MAPKBP1: variants seen among roughly 807,000 people sequenced by gnomAD.
MAPKBP1 encodes mitogen-activated protein kinase binding protein 1.
MAPKBP1 carries 71 observed loss-of-function variants against 170.5 expected under a neutral mutation model. The ratio of observed to expected loss-of-function variants is 0.42; its 90% CI spans 0.34 to 0.51. MAPKBP1 has a LOEUF of 0.51. MAPKBP1 is among the 20% of genes least tolerant of loss of function. The pLI, the probability that MAPKBP1 is intolerant of heterozygous loss-of-function variation, is 0.06. For missense variants in MAPKBP1, 1,598 were observed against 1,933.0 expected (o/e 0.83, Z 3.25); for synonymous variants, 719 against 757.9 (o/e 0.95, Z 0.84).
chr15:41,812,761 C>A, intron 7 of MAPKBP1, 108 bp downstream of exon 7: 1 of 1,473,636 alleles, frequency 6.8e-7, no homozygotes, highest in Non-Finnish European at 9.1e-7. Context: ...TCCCAGCAGT[C>A]ATGCAGAAGT....
At chr15:41,821,212 G>C (rs566006505) in intron 23 of MAPKBP1, 144 bp downstream of exon 23, 6 of 783,490 alleles carry the variant, frequency 7.7e-6, no homozygotes, top group Admixed American at 6.6e-5. Context: ...AAGCCAGGAT[G>C]GGGGTGGCTG....
In MAPKBP1 at chr15:41,816,590, C is replaced by T. The variant is rs79573365; in HGVS notation, c.1525C>T (p.Leu509=). 2.1e-3 allele frequency: 3,450 copies of T among 1,614,092 alleles called. 61 individuals are homozygous for T. The African/African-American group carries it at 0.041, about 19-fold the overall frequency. ...VHELQSLSEM[L]KVEAHDSEIL... ...CGAACTTCAGTCCCTGAGTGAGATG[C>T]TGAAGGTGGAGGCCCATGACTCTGA... is the stretch of plus-strand genomic sequence containing the variant. The change falls in exon 13 of 31, where the codon CTG becomes TTG. Residue 509 remains leucine, a synonymous_variant. Coordinates refer to ENST00000457542, the MANE Select transcript of MAPKBP1 (RefSeq NM_014994.3).
chr15:41,779,291 A>G (rs1033107920), intron 2 of MAPKBP1, among the ~76,000 whole-genome samples: 3 of 152,102 alleles, frequency 2.0e-5, no homozygotes, highest in Non-Finnish European at 4.4e-5. Flanking sequence ...GCTCACTGCA[A>G]ACTCTGCCTC....
At chr15:41,798,222 C>T (rs1291796308) in intron 2 of MAPKBP1, among the ~76,000 whole-genome samples, 1 of 134,632 alleles carries the variant, frequency 7.4e-6, no homozygotes, top group Admixed American at 7.7e-5. Flanking sequence ...TGCACTCCAG[C>T]CTGGGTGACA....
intron 2 of MAPKBP1, among the ~76,000 whole-genome samples, chr15:41,794,459 A>G (rs1399197225): frequency 6.6e-6 from 1 of 152,120 alleles, no homozygotes; most frequent in South Asian, 2.1e-4. Flanking sequence ...TACAATAAAG[A>G]CGTGGAATAA....
intron 2 of MAPKBP1, among the ~76,000 whole-genome samples, chr15:41,776,627 C>A (rs1399670467): frequency 6.6e-6 from 1 of 152,222 alleles, no homozygotes; most frequent in Admixed American, 6.5e-5. Context: ...CTTAATACTG[C>A]AAGTGCTCTT....
At position 41,826,187 on chromosome 15, in the gene MAPKBP1, C is replaced by T. The variant is rs1567159722; in HGVS notation, c.*751C>T. The T allele has an allele frequency of 6.5e-6, 1 of 152,840 alleles. No homozygotes were observed. The allele number at this position is 152,840 out of a possible 1,614,324, so 9.5% of individuals were successfully genotyped here. ...CCCTCACCTGGGCAAACATGAAGCTCTGGCCTCCTTTCCTCAGCCCCTTGT... is the reference window on the plus strand; with the variant it reads ...CCCTCACCTGGGCAAACATGAAGCTTTGGCCTCCTTTCCTCAGCCCCTTGT... On this transcript the variant is annotated 3_prime_UTR_variant, in exon 31 of 31. Transcript: ENST00000457542.
chr15:41,820,699 C>T, intron 22 of MAPKBP1, 133 bp from the exon 23 acceptor site: 1 of 674,324 alleles, frequency 1.5e-6, no homozygotes, highest in Non-Finnish European at 2.6e-6. Flanking sequence ...GTGCCCATTT[C>T]AAAAGGTTGC....
intron 3 of MAPKBP1, among the ~76,000 whole-genome samples, chr15:41,810,311 A>G (rs991726401): frequency 2.2e-4 from 33 of 152,186 alleles, no homozygotes; most frequent in Admixed American, 1.2e-3. Context: ...TAGAGCTGGT[A>G]TTTAGGGGCC....
intron 5 of MAPKBP1, chr15:41,811,484 C>T: frequency 1.4e-6 from 1 of 689,786 alleles, no homozygotes; most frequent in Non-Finnish European, 2.7e-6. Context: ...GGATGGGAGT[C>T]TGAAATGTGC....
intron 2 of MAPKBP1, among the ~76,000 whole-genome samples, chr15:41,786,762 C>A (rs960017885): frequency 8.6e-4 from 4 of 4,638 alleles, no homozygotes; most frequent in South Asian, 6.3e-3. Flanking sequence ...CAGACTCCGT[C>A]TAAAAAAAAA....
At chr15:41,786,497 GC>G (rs1427341093) in intron 2 of MAPKBP1, among the ~76,000 whole-genome samples, 1 of 151,836 alleles carries the variant, frequency 6.6e-6, no homozygotes, top group Non-Finnish European at 1.5e-5. Flanking sequence ...GGGCGTGGTG[GC>G]TCACACCTGT....
chr15:41,825,268 C>T lies in MAPKBP1; in HGVS notation c.4359C>T (p.Asp1453=). Residue 1453 remains aspartate (D), a synonymous_variant, in exon 31 of 31, where the codon GAC becomes GAT. Transcript: ENST00000457542. ...EQSRIAQLLR[D]TFSSVRQELE... ...GTCGGATTGCCCAGCTCCTCAGAGA[C>T]ACCTTCTCTTCAGTGCGACAGGAGC... 2 of 1,608,602 alleles carry T rather than the reference C, an allele frequency of 1.2e-6. No individual in the cohort carries two copies. Among genetic ancestry groups the T allele is most frequent in the Non-Finnish European group, 8.5e-7 (1 of 1,175,790 alleles).
rs533751567 is a variant in MAPKBP1, at chr15:41,810,148, C to T, written c.207-735C>T. On this transcript the variant is annotated intron_variant, in intron 3 of 30. Transcript: ENST00000457542. The stretch of plus-strand genomic sequence containing the variant: ...TCTTAAGGCACACATGCTTGATACA[C>T]GTGTGGCCCCAAGCCTGTGAACGGG... 5.3e-4 allele frequency among the ~76,000 whole-genome samples: 80 copies of T among 152,284 alleles called. 3 individuals are homozygous for T. The South Asian group carries it at 0.016, about 30-fold the overall frequency.
At chr15:41,782,259 CAAAA>C in intron 2 of MAPKBP1, among the ~76,000 whole-genome samples, 1 of 117,348 alleles carries the variant, frequency 8.5e-6, no homozygotes, top group Non-Finnish European at 1.7e-5. Context: ...GGCTCTGTCT[CAAAA>C]AAAAAAAAAA....
At chr15:41,791,300 G>A (rs1338665675) in intron 2 of MAPKBP1, among the ~76,000 whole-genome samples, 1 of 152,154 alleles carries the variant, frequency 6.6e-6, no homozygotes, top group Non-Finnish European at 1.5e-5. Context: ...CCAGTATGAG[G>A]TCAGCCAAAT....
rs1199905758 is a variant in MAPKBP1, at chr15:41,811,946, C to A, written c.328-11C>A. 1 of 1,613,804 alleles carries A rather than the reference C, an allele frequency of 6.2e-7. No individual in the cohort carries two copies. Among genetic ancestry groups the A allele is most frequent in the Non-Finnish European group, 8.5e-7 (1 of 1,179,844 alleles). On this transcript the variant is annotated splice_polypyrimidine_tract_variant and intron_variant, in intron 5 of 30. Transcript: ENST00000457542. Reference sequence around the variant, plus strand: ...GTCAAGAACTCACTTCCAGTTCTTGCCTCCCTGCAGAGTGGGCACATGCCT... The same window carrying A: ...GTCAAGAACTCACTTCCAGTTCTTGACTCCCTGCAGAGTGGGCACATGCCT...
In MAPKBP1 at chr15:41,818,604, T is replaced by C. The variant is rs750331178; in HGVS notation, c.2156+22T>C. ...ACAGGTGAGCAGAAGCCAGCTTCCC[T>C]GAGAGGCAGATTCTTACTCTGCCAC... is the stretch of plus-strand genomic sequence containing the variant. On this transcript the variant is annotated intron_variant, in intron 19 of 30. Transcript: ENST00000457542. The surrounding 1 kb of genome is among the most constrained non-coding windows in gnomAD (Gnocchi z 5.2). 1.7e-4 allele frequency: 276 copies of C among 1,603,960 alleles called. No homozygotes were observed. Among genetic ancestry groups the C allele is most frequent in the Non-Finnish European group, 1.9e-4 (222 of 1,174,254 alleles).
At chr15:41,782,226 C>T (rs2064202497) in intron 2 of MAPKBP1, among the ~76,000 whole-genome samples, 1 of 148,432 alleles carries the variant, frequency 6.7e-6, no homozygotes, top group African/African-American at 2.5e-5. Context: ...CGCGCCACTG[C>T]CCTCCAGCCT....
Sources: gnomAD v4.1 joint callset for allele counts (sites outside exome capture counted in the v4.1 genomes callset) on GRCh38, gnomAD v4.1.1 for gene constraint, Gnocchi (gnomAD v3.1) non-coding constraint, MANE v1.5 for transcripts, NCBI Gene and HGNC (gene_info 2026-07-23, HGNC 2026-07-21) for gene names.